Variants in SEZ6L observed in about 807,000 individuals in gnomAD.
The protein encoded by SEZ6L is seizure 6-like protein.
SEZ6L carries 37 observed loss-of-function variants against 106.2 expected under a neutral mutation model. The observed-to-expected ratio is 0.35, with a 90% CI of 0.27 to 0.46. The LOEUF (loss-of-function observed/expected upper bound fraction) is 0.46, where lower values mean the gene tolerates loss of function less well. Among genes scored for constraint, SEZ6L ranks in the 20% least tolerant of loss-of-function variants. SEZ6L has a pLI of 1.00. For missense variants in SEZ6L, 1,172 were observed against 1,332.8 expected (o/e 0.88, Z 1.88); for synonymous variants, 541 against 570.4 (o/e 0.95, Z 0.73).
intron 15 of SEZ6L, among the ~76,000 whole-genome samples, chr22:26,376,720 G>A (rs2084238020): frequency 6.6e-6 from 1 of 152,096 alleles, no homozygotes; most frequent in Non-Finnish European, 1.5e-5. Flanking sequence ...CTGCACTCCA[G>A]CCTGGGCAAC....
chr22:26,196,726 C>A (rs1389680694), intron 1 of SEZ6L, among the ~76,000 whole-genome samples: 1 of 152,156 alleles, frequency 6.6e-6, no homozygotes, highest in African/African-American at 2.4e-5. Context: ...GTGGTTTGGA[C>A]TTGAGTGGAC....
intron 1 of SEZ6L, among the ~76,000 whole-genome samples, chr22:26,257,117 AG>A (rs749468173): frequency 2.6e-5 from 4 of 152,162 alleles, no homozygotes; most frequent in Admixed American, 6.5e-5. Context: ...TGGCATCTAG[AG>A]GGTAGAGATT....
intron 13 of SEZ6L, among the ~76,000 whole-genome samples, chr22:26,367,186 G>A (rs1283634997): frequency 6.6e-6 from 1 of 152,090 alleles, no homozygotes; most frequent in African/African-American, 2.4e-5. Context: ...GGCAAAAGAG[G>A]TGCCTGAGGT....
intron 1 of SEZ6L, chr22:26,241,305 T>C (rs2079122746): frequency 6.6e-6 from 1 of 152,196 alleles, no homozygotes; most frequent in African/African-American, 2.4e-5. Flanking sequence ...CTTCCTCTGC[T>C]TGCTACCCTC....
intron 1 of SEZ6L, among the ~76,000 whole-genome samples, chr22:26,215,132 G>C (rs2078264022): frequency 6.6e-6 from 1 of 152,226 alleles, no homozygotes; most frequent in Admixed American, 6.5e-5. Context: ...CGAATTACAT[G>C]TATCAGTAAC....
At chr22:26,327,238 C>T (rs1303393574) in intron 9 of SEZ6L, among the ~76,000 whole-genome samples, 19 of 102,516 alleles carry the variant, frequency 1.9e-4, no homozygotes, top group South Asian at 3.3e-4. Flanking sequence ...ACACCACACA[C>T]GCTATACACA....
At chr22:26,269,125 G>T (rs2145835117) in intron 1 of SEZ6L, among the ~76,000 whole-genome samples, 1 of 152,300 alleles carries the variant, frequency 6.6e-6, no homozygotes, top group African/African-American at 2.4e-5. Flanking sequence ...TAATGGCATG[G>T]TTGGGGGATA....
At chr22:26,189,879 C>G (rs541982502) in intron 1 of SEZ6L, among the ~76,000 whole-genome samples, 2 of 152,130 alleles carry the variant, frequency 1.3e-5, no homozygotes, top group African/African-American at 2.4e-5. Flanking sequence ...GGGCGGGTCA[C>G]GAGGTCAGGA....
chr22:26,383,183 C>G lies in SEZ6L; in HGVS notation c.*2888C>G, dbSNP rs1449282841. The G allele has an allele frequency of 6.6e-6, 1 of 150,636 alleles. No individual in the cohort carries two copies. Among genetic ancestry groups the G allele is most frequent in the East Asian group, 2.0e-4 (1 of 5,110 alleles). 9.3% of individuals were successfully genotyped at this position (150,636 alleles called of 1,614,324 possible). On this transcript the variant is annotated 3_prime_UTR_variant, in exon 17 of 17. Coordinates refer to ENST00000248933, the MANE Select transcript of SEZ6L (RefSeq NM_021115.5). ...GTGCTTTAACTATGATCCTTTGAAG[C>G]TCACCCCTTGGAGAGCCTACAGAAC... is the stretch of plus-strand genomic sequence containing the variant.
chr22:26,382,120 G>T lies in SEZ6L; in HGVS notation c.*1825G>T, dbSNP rs542926685. The T allele has an allele frequency of 2.0e-6, 1 of 503,264 alleles. No homozygotes were observed. Among genetic ancestry groups the T allele is most frequent in the Non-Finnish European group, 4.0e-6 (1 of 252,668 alleles). 31.2% of individuals were successfully genotyped at this position (503,264 alleles called of 1,614,324 possible). A position where few individuals can be genotyped will look rare whatever the true frequency, so the allele number is the denominator to read the frequency against. On this transcript the variant is annotated 3_prime_UTR_variant, in exon 17 of 17. Transcript: ENST00000248933. ...TGCACATATACTCCTGAAGGCATGA[G>T]TGTGTGGTCCATGGCAAGAAATAGC...
intron 12 of SEZ6L, among the ~76,000 whole-genome samples, chr22:26,354,022 C>T (rs1462547299): frequency 6.6e-6 from 1 of 150,916 alleles, no homozygotes; most frequent in African/African-American, 2.4e-5. Context: ...GTAACTGTGA[C>T]CTTGATTGGA....
chr22:26,301,515 A>G (rs2081454070), intron 5 of SEZ6L, among the ~76,000 whole-genome samples: 1 of 152,234 alleles, frequency 6.6e-6, no homozygotes, highest in African/African-American at 2.4e-5. Flanking sequence ...AAGGACCAGG[A>G]AAGAAATTCA....
Position 26,204,916 on chromosome 22 carries a change from C to T in SEZ6L, c.94+35153C>T, listed in dbSNP as rs149257525. 2.8e-3 allele frequency among the ~76,000 whole-genome samples: 431 copies of T among 152,346 alleles called. 1 individual carries two copies. The highest frequency in any genetic ancestry group is 0.011 in the Admixed American group (161 of 15,304). ...ACTGCCCCTGCCCAGCTCTATCTCT[C>T]TTTCTGATAAAAGACCTCACTTCAA... On this transcript the variant is annotated intron_variant, in intron 1 of 16. Transcript: ENST00000248933.
At chr22:26,251,408 A>G (rs777784907) in intron 1 of SEZ6L, among the ~76,000 whole-genome samples, 17 of 151,938 alleles carry the variant, frequency 1.1e-4, no homozygotes, top group Non-Finnish European at 2.2e-4. Context: ...GTCTTGAAAT[A>G]ATCATATGGT....
chr22:26,271,808 G>T (rs6004983), intron 1 of SEZ6L, among the ~76,000 whole-genome samples: 22,634 of 152,200 alleles, frequency 0.15, 1,847 homozygotes, highest in Middle Eastern at 0.21. Context: ...AAACTACCCA[G>T]CCTTGGGCAT....
intron 9 of SEZ6L, among the ~76,000 whole-genome samples, chr22:26,328,471 T>C (rs1388927941): frequency 6.6e-6 from 1 of 152,202 alleles, no homozygotes; most frequent in Non-Finnish European, 1.5e-5. Context: ...ACCTGTTCTC[T>C]TAATGCTGCC....
At chr22:26,314,114 G>A (rs2081932127) in intron 9 of SEZ6L, among the ~76,000 whole-genome samples, 1 of 148,770 alleles carries the variant, frequency 6.7e-6, no homozygotes, top group Non-Finnish European at 1.5e-5. Context: ...AGAGAGAGGA[G>A]AGAGAGAGAG....
At position 26,294,355 on chromosome 22, in the gene SEZ6L, T is replaced by C; in HGVS notation, c.899T>C (p.Leu300Pro). 1 of 1,614,128 alleles carries C rather than the reference T, an allele frequency of 6.2e-7. No homozygotes were observed. The highest frequency in any genetic ancestry group is 1.7e-5 in the Admixed American group (1 of 60,010). The change falls in exon 3 of 17, where the codon CTG (leucine) becomes CCG (proline). Residue 300 changes from leucine (L) to proline (P), a missense_variant. By Grantham distance (98) the Leu-to-Pro change is moderately conservative. This residue lies in a region of SEZ6L where 494 missense variants were observed against 445.8 expected (regional missense o/e 1.11). Coordinates refer to ENST00000248933, the MANE Select transcript of SEZ6L (RefSeq NM_021115.5). The stretch of plus-strand genomic sequence containing the variant: ...ATTGACTCCAGCGACTACCCACTGC[T>C]GCCCCTCAACAACTTTCTGGAGTGC... ...GYIDSSDYPL[L>P]PLNNFLECTY...
At chr22:26,330,740 G>A (rs2082454118) in intron 9 of SEZ6L, among the ~76,000 whole-genome samples, 2 of 142,448 alleles carry the variant, frequency 1.4e-5, no homozygotes, top group South Asian at 2.1e-4. Context: ...TTGTGTTACC[G>A]TTTTTGTTTT....
Sources: allele counts gnomAD v4.1 joint callset (sites outside exome capture counted in the v4.1 genomes callset), GRCh38; gene constraint gnomAD v4.1.1; regional missense constraint gnomAD v4.1.1; transcripts MANE v1.5; gene names NCBI Gene and HGNC (gene_info 2026-07-23, HGNC 2026-07-21).